Variants in DENND4C observed in about 807,000 individuals in gnomAD.
DENND4C encodes DENN domain-containing protein 4C.
A neutral mutation model predicts 203.0 loss-of-function variants in DENND4C; 108 were observed. That is an observed-to-expected ratio of 0.53 (90% CI 0.46 to 0.62). The LOEUF (loss-of-function observed/expected upper bound fraction) is 0.62, where lower values mean the gene tolerates loss of function less well. DENND4C is among the 20% of genes least tolerant of loss of function. The probability of loss-of-function intolerance (pLI) is 0.00; values close to 1 mark genes in which losing one functional copy is unlikely to be tolerated. For synonymous variants in DENND4C, 871 were observed against 792.4 expected (o/e 1.10, Z -1.67); for missense variants, 2,481 against 2,301.2 (o/e 1.08, Z -1.60).
intron 6 of DENND4C, 55 bp downstream of exon 6, chr9:19,296,301 A>ACC: frequency 4.2e-6 from 5 of 1,200,720 alleles, no homozygotes; most frequent in Non-Finnish European, 4.7e-6. Context: ...ATAAATATAT[A>ACC]CATTTGTTTG....
At chr9:19,295,216 A>G (rs1837186065) in intron 5 of DENND4C, among the ~76,000 whole-genome samples, 1 of 152,302 alleles carries the variant, frequency 6.6e-6, no homozygotes, top group South Asian at 2.1e-4. Context: ...CTAAAAATAG[A>G]AAAAATTAGG....
intron 9 of DENND4C, among the ~76,000 whole-genome samples, chr9:19,301,551 A>G (rs754958674): frequency 2.0e-5 from 3 of 152,222 alleles, no homozygotes; most frequent in South Asian, 2.1e-4. Context: ...ATCCTCATTA[A>G]GTATTACTTT....
intron 5 of DENND4C, 35 bp from the exon 6 acceptor site, chr9:19,295,973 C>T: frequency 1.3e-6 from 2 of 1,497,356 alleles, no homozygotes; most frequent in Non-Finnish European, 1.8e-6. Context: ...TTCAAACAAA[C>T]TCAAATCTTA....
chr9:19,269,456 G>T (rs545001224), intron 1 of DENND4C, among the ~76,000 whole-genome samples: 2 of 152,158 alleles, frequency 1.3e-5, no homozygotes, highest in African/African-American at 4.8e-5. Context: ...ACCGTGTCCG[G>T]CCCCTTGACT....
chr9:19,244,732 C>T (rs7027572), intron 1 of DENND4C, among the ~76,000 whole-genome samples: 120,700 of 148,284 alleles, frequency 0.81, 49,542 homozygotes, highest in Admixed American at 0.88. Flanking sequence ...AGAGCGAGAC[C>T]CCACCTCAAA....
rs1162138214 is a variant in DENND4C at position 19,253,676 on chromosome 9, TATCTTTTATTACAA to T, written c.-17-22481_-17-22468del. On this transcript the variant is annotated intron_variant, in intron 1 of 32. Transcript: ENST00000434457. ...CAGCTGTTTTTGAACCTTTAAAAAATATCTTTTATTACAATGAGAGGAATTACATGAACTGCATT... is the reference window on the plus strand; with the variant it reads ...CAGCTGTTTTTGAACCTTTAAAAAATTGAGAGGAATTACATGAACTGCATT... Among the ~76,000 whole-genome samples the T allele has an allele frequency of 2.0e-5, 3 of 152,232 alleles. No homozygotes were observed. In the East Asian group the frequency reaches 5.8e-4, roughly 29 times the overall value.
Position 19,290,750 on chromosome 9 carries a change from C to A in DENND4C, c.675C>A (p.Leu225=). Residue 225 remains leucine, a synonymous_variant, in exon 5 of 33, where the codon CTC becomes CTA. Transcript: ENST00000434457. ...YPEEDYESFP[L]SESDVPLFCL... is the part of the protein sequence containing the mutation. ...AAGAGGACTATGAGTCATTTCCACT[C>A]TCAGAATCAGATGTACCTCTTTTCT... The A allele has an allele frequency of 6.3e-7, 1 of 1,580,774 alleles. No homozygotes were observed. The highest frequency in any genetic ancestry group is 8.6e-7 in the Non-Finnish European group (1 of 1,161,774).
At chr9:19,357,212 A>C in intron 27 of DENND4C, 58 bp downstream of exon 27, 2 of 1,578,058 alleles carry the variant, frequency 1.3e-6, no homozygotes, top group Non-Finnish European at 1.7e-6. Flanking sequence ...CCTTGTAAAA[A>C]TTCTGTCTCT....
chr9:19,362,750 G>C (rs1374947081), intron 30 of DENND4C, among the ~76,000 whole-genome samples: 2 of 152,170 alleles, frequency 1.3e-5, no homozygotes, highest in Non-Finnish European at 2.9e-5. Context: ...AAGTTCAGCT[G>C]TATTAATGGT....
At position 19,305,504 on chromosome 9, in the gene DENND4C, C is replaced by G. The variant is rs762458405; in HGVS notation, c.1464C>G (p.Asp488Glu). ...HDPPQDVVCI[D>E]LDTNMLYVSD... ...CACCACAAGATGTTGTTTGCATTGA[C>G]TTGGATACGAACATGTTATATGTGT... The change falls in exon 10 of 33, where the codon GAC becomes GAG. Residue 488 changes from aspartate (D) to glutamate (E), a missense_variant. By Grantham distance (45) the Asp-to-Glu change is conservative. Coordinates refer to ENST00000434457, the MANE Select transcript of DENND4C (RefSeq NM_001330640.2). 14 of 1,612,766 alleles carry G rather than the reference C, an allele frequency of 8.7e-6. No individual in the cohort carries two copies. The highest frequency in any genetic ancestry group is 4.0e-5 in the African/African-American group (3 of 74,894).
chr9:19,349,253 C>A (rs750335243), intron 23 of DENND4C, among the ~76,000 whole-genome samples: 35 of 151,938 alleles, frequency 2.3e-4, no homozygotes, highest in Admixed American at 5.9e-4. Flanking sequence ...CAAAAAAATA[C>A]AAAAATTAGC....
chr9:19,271,471 GA>G (rs1425429598), intron 1 of DENND4C, among the ~76,000 whole-genome samples: 1 of 152,052 alleles, frequency 6.6e-6, no homozygotes, highest in Non-Finnish European at 1.5e-5. Flanking sequence ...CAGATTGCTG[GA>G]ATTACAGGTG....
chr9:19,236,074 A>T (rs1232524854), intron 1 of DENND4C, among the ~76,000 whole-genome samples: 1 of 151,818 alleles, frequency 6.6e-6, no homozygotes, highest in African/African-American at 2.4e-5. Flanking sequence ...ATGCAGTTCA[A>T]TTATCTCTTA....
intron 26 of DENND4C, among the ~76,000 whole-genome samples, chr9:19,356,245 A>G (rs920792613): frequency 8.5e-5 from 13 of 152,150 alleles, no homozygotes; most frequent in Non-Finnish European, 1.8e-4. Flanking sequence ...TCTCCCCCAA[A>G]GACTTTGATA....
chr9:19,248,992 T>C (rs77836469), intron 1 of DENND4C, among the ~76,000 whole-genome samples: 6 of 152,076 alleles, frequency 3.9e-5, no homozygotes, highest in Non-Finnish European at 8.8e-5. Context: ...GGTTTCACCA[T>C]GTTGGTCATG....
At chr9:19,329,273 A>G (rs992771345) in intron 16 of DENND4C, among the ~76,000 whole-genome samples, 12 of 152,144 alleles carry the variant, frequency 7.9e-5, no homozygotes, top group African/African-American at 2.4e-4. Flanking sequence ...TCTGTCTACA[A>G]ATTTGTCTAT....
At chr9:19,329,980 C>G (rs376082979) in intron 16 of DENND4C, among the ~76,000 whole-genome samples, 7 of 152,130 alleles carry the variant, frequency 4.6e-5, no homozygotes, top group Middle Eastern at 3.2e-3. Context: ...GAAAATTTCA[C>G]AATGAAAATC....
intron 12 of DENND4C, 47 bp from the exon 13 acceptor site, chr9:19,324,315 G>T: frequency 6.9e-7 from 1 of 1,441,398 alleles, no homozygotes; most frequent in Non-Finnish European, 9.5e-7. Flanking sequence ...CTATAATATC[G>T]AATTCCAGTT....
chr9:19,235,846 C>T (rs1016820104), intron 1 of DENND4C, among the ~76,000 whole-genome samples: 14 of 151,972 alleles, frequency 9.2e-5, no homozygotes, highest in African/African-American at 3.4e-4. Flanking sequence ...GATCCGCCCG[C>T]CTTGGCCTTC....
Sources: allele counts gnomAD v4.1 joint callset (sites outside exome capture counted in the v4.1 genomes callset), GRCh38; gene constraint gnomAD v4.1.1; transcripts MANE v1.5; gene names NCBI Gene and HGNC (gene_info 2026-07-23, HGNC 2026-07-21).